LMOD1: variants seen among roughly 807,000 people sequenced by gnomAD.
LMOD1 encodes the protein leiomodin 1, also known as leiomodin-1.
A neutral mutation model predicts 36.5 loss-of-function variants in LMOD1; 8 were observed. That is an observed-to-expected ratio of 0.22 (90% CI 0.13 to 0.40). The LOEUF is 0.40. Among genes scored for constraint, LMOD1 ranks in the 10% least tolerant of loss-of-function variants. The probability of loss-of-function intolerance (pLI) is 1.00; values close to 1 mark genes in which losing one functional copy is unlikely to be tolerated. For synonymous variants in LMOD1, 284 were observed against 288.7 expected (o/e 0.98, Z 0.17); for missense variants, 630 against 751.1 (o/e 0.84, Z 1.88).
intron 1 of LMOD1, among the ~76,000 whole-genome samples, chr1:201,916,360 AAACATTAGCC>A (rs1188266507): frequency 6.6e-6 from 1 of 152,086 alleles, no homozygotes; most frequent in Admixed American, 6.5e-5. Context: ...CAAAAAATAC[AAACATTAGCC>A]AGGCGTGGTG....
chr1:201,939,906 G>C (rs1230009904), intron 1 of LMOD1, among the ~76,000 whole-genome samples: 1 of 152,088 alleles, frequency 6.6e-6, no homozygotes, highest in African/African-American at 2.4e-5. Context: ...GTCTCCTGGG[G>C]GAGAGAAAGA....
intron 1 of LMOD1, among the ~76,000 whole-genome samples, chr1:201,920,211 C>G (rs567962360): frequency 2.0e-4 from 31 of 151,996 alleles, no homozygotes; most frequent in South Asian, 6.2e-4. Context: ...AGGCACCCAC[C>G]ACCACGCCTG....
Position 201,900,069 on chromosome 1 carries a change from G to A in LMOD1, c.944C>T (p.Pro315Leu). Residue 315 changes from proline to leucine, a missense_variant, in exon 2 of 3, where the codon CCC (proline) becomes CTC (leucine). Physicochemically the swap from Pro to Leu is moderately conservative, Grantham distance 98. This residue lies in a region of LMOD1 where 405 missense variants were observed against 400.6 expected (regional missense o/e 1.01). Coordinates refer to ENST00000367288, the MANE Select transcript of LMOD1 (RefSeq NM_012134.3). ...CTCCAGAGGCTCATCAAATATGCTG[G>A]GAGCTGCCTCCTCCTCCACCTTGGC... Reference protein sequence around the residue: ...GPAKVEEEAAPSIFDEPLERV... With the variant: ...GPAKVEEEAALSIFDEPLERV... 1 of 1,613,834 alleles carries A rather than the reference G, an allele frequency of 6.2e-7. No individual in the cohort carries two copies. The highest frequency in any genetic ancestry group is 8.5e-7 in the Non-Finnish European group (1 of 1,179,866).
At chr1:201,937,683 T>C (rs1682039355) in intron 1 of LMOD1, among the ~76,000 whole-genome samples, 1 of 152,098 alleles carries the variant, frequency 6.6e-6, no homozygotes, top group Non-Finnish European at 1.5e-5. Context: ...GGAGGATTGC[T>C]TGAGCCCATG....
intron 1 of LMOD1, among the ~76,000 whole-genome samples, chr1:201,941,179 G>A (rs1426099618): frequency 6.6e-6 from 1 of 151,418 alleles, no homozygotes; most frequent in African/African-American, 2.4e-5. Flanking sequence ...CTAGTCTCGA[G>A]CTCCTGAACT....
chr1:201,935,225 G>A (rs909282342), intron 1 of LMOD1, among the ~76,000 whole-genome samples: 1 of 152,156 alleles, frequency 6.6e-6, no homozygotes, highest in Non-Finnish European at 1.5e-5. Flanking sequence ...CTCAAAGATG[G>A]TTTGATGAGA....
intron 1 of LMOD1, among the ~76,000 whole-genome samples, chr1:201,931,117 T>A (rs992902974): frequency 2.0e-5 from 3 of 151,984 alleles, no homozygotes; most frequent in African/African-American, 7.3e-5. Flanking sequence ...AAAGGGAATG[T>A]TGAAGAGAGA....
At chr1:201,942,000 T>C (rs955234719) in intron 1 of LMOD1, among the ~76,000 whole-genome samples, 1 of 152,106 alleles carries the variant, frequency 6.6e-6, no homozygotes, top group Non-Finnish European at 1.5e-5. Context: ...AGGACAAGAG[T>C]TTCACTGAAC....
chr1:201,900,365 C>T lies in LMOD1; in HGVS notation c.648G>A (p.Lys216=), dbSNP rs1360536055. 2 of 1,565,656 alleles carry T rather than the reference C, an allele frequency of 1.3e-6. No homozygotes were observed. Among genetic ancestry groups the T allele is most frequent in the South Asian group, 2.3e-5 (2 of 86,084 alleles). Reference sequence around the variant, plus strand: ...CTTTTACCTTCTCATCATCCTCTTTCTTGGCCACCTCCTTCATCTCCTCTC... The same window carrying T: ...CTTTTACCTTCTCATCATCCTCTTTTTTGGCCACCTCCTTCATCTCCTCTC... ...KKREEMKEVA[K]KEDDEKVKGE... The change falls in exon 2 of 3, where the codon AAG becomes AAA. Residue 216 remains lysine (K), a synonymous_variant. Coordinates refer to ENST00000367288, the MANE Select transcript of LMOD1 (RefSeq NM_012134.3).
intron 1 of LMOD1, among the ~76,000 whole-genome samples, chr1:201,919,063 T>C (rs1681654955): frequency 6.6e-6 from 1 of 151,904 alleles, no homozygotes; most frequent in South Asian, 2.1e-4. Context: ...TGGCTAACTT[T>C]TATTTTTGTA....
intron 1 of LMOD1, among the ~76,000 whole-genome samples, chr1:201,943,520 G>A (rs2102933784): frequency 6.6e-6 from 1 of 152,330 alleles, no homozygotes; most frequent in Non-Finnish European, 1.5e-5. Flanking sequence ...CTGTGTCTGT[G>A]GTGTTGGTGG....
intron 1 of LMOD1, among the ~76,000 whole-genome samples, chr1:201,904,607 C>G (rs1681383867): frequency 6.6e-6 from 1 of 152,234 alleles, no homozygotes; most frequent in African/African-American, 2.4e-5. Flanking sequence ...GTTACCTCCC[C>G]TACCCTGGGG....
chr1:201,917,759 A>G (rs1681635785), intron 1 of LMOD1, among the ~76,000 whole-genome samples: 1 of 152,218 alleles, frequency 6.6e-6, no homozygotes, highest in South Asian at 2.1e-4. Flanking sequence ...GTAAAGATCT[A>G]CACAAATGCA....
intron 1 of LMOD1, among the ~76,000 whole-genome samples, chr1:201,921,944 A>C (rs1681713421): frequency 7.3e-6 from 1 of 137,348 alleles, no homozygotes. Context: ...TGGGCGACAG[A>C]GTGAGATTCC....
intron 1 of LMOD1, among the ~76,000 whole-genome samples, chr1:201,924,664 AAAAAG>A (rs1681786886): frequency 3.5e-5 from 4 of 115,382 alleles, no homozygotes; most frequent in East Asian, 4.2e-4. Context: ...AAGAAAGAAA[AAAAAG>A]AAAGAAAGAA....
chr1:201,901,624 G>A lies in LMOD1; in HGVS notation c.262-873C>T, dbSNP rs1418450163. Among the ~76,000 whole-genome samples the A allele has an allele frequency of 1.2e-3, 15 of 12,636 alleles. 1 individual carries two copies. The highest frequency in any genetic ancestry group is 3.5e-3 in the African/African-American group (12 of 3,444). 8.3% of individuals were successfully genotyped at this position (12,636 alleles called of 152,430 possible). A position where few individuals can be genotyped will look rare whatever the true frequency, so the allele number is the denominator to read the frequency against. ...TATATATATATACACATATATATGT[G>A]TGTGTGTATATATATATATATATAC... On this transcript the variant is annotated intron_variant, in intron 1 of 2. Coordinates refer to ENST00000367288, the MANE Select transcript of LMOD1 (RefSeq NM_012134.3).
At chr1:201,920,587 A>G (rs111312977) in intron 1 of LMOD1, among the ~76,000 whole-genome samples, 18 of 152,266 alleles carry the variant, frequency 1.2e-4, no homozygotes, top group African/African-American at 4.1e-4. Flanking sequence ...CTCAAGGACA[A>G]TTAGGAGGTG....
Position 201,899,780 on chromosome 1 carries a change from G to T in LMOD1, c.1233C>A (p.Leu411=). The T allele has an allele frequency of 6.2e-7, 1 of 1,614,062 alleles. No homozygotes were observed. Among genetic ancestry groups the T allele is most frequent in the Non-Finnish European group, 8.5e-7 (1 of 1,179,898 alleles). Residue 411 remains leucine, a synonymous_variant, in exon 2 of 3, where the codon CTC becomes CTA. Coordinates refer to ENST00000367288, the MANE Select transcript of LMOD1 (RefSeq NM_012134.3). This position sits in a 1 kb window ranked among gnomAD's most constrained non-coding sequence, Gnocchi z 6.3. ...GCTCGGTCAGCGTGTTGTTCTGGAGGAGGGCCCGGAAGATGGCCAGGATGC... is the reference window on the plus strand; with the variant it reads ...GCTCGGTCAGCGTGTTGTTCTGGAGTAGGGCCCGGAAGATGGCCAGGATGC... ...GKGILAIFRA[L]LQNNTLTELR...
chr1:201,908,519 A>G (rs964596455), intron 1 of LMOD1, among the ~76,000 whole-genome samples: 2 of 152,134 alleles, frequency 1.3e-5, no homozygotes, highest in Non-Finnish European at 2.9e-5. Context: ...TCCTGCCCAT[A>G]CTGGAGCACA....
Sources: gnomAD v4.1 joint callset for allele counts (sites outside exome capture counted in the v4.1 genomes callset) on GRCh38, gnomAD v4.1.1 for gene constraint, gnomAD v4.1.1 regional missense constraint, Gnocchi (gnomAD v3.1) non-coding constraint, MANE v1.5 for transcripts, NCBI Gene and HGNC (gene_info 2026-07-23, HGNC 2026-07-21) for gene names.